PLCB4: variants seen among roughly 807,000 people sequenced by gnomAD.
PLCB4 encodes 1-phosphatidylinositol 4,5-bisphosphate phosphodiesterase beta-4.
In PLCB4, 77 loss-of-function variants were observed where a neutral mutation model predicts 178.8. The observed-to-expected ratio is 0.43, with a 90% CI of 0.36 to 0.52. The LOEUF (loss-of-function observed/expected upper bound fraction) is 0.52. PLCB4 is among the 20% of genes least tolerant of loss of function. PLCB4 has a pLI of 0.00. For missense variants in PLCB4, 1,024 were observed against 1,453.4 expected, an observed-to-expected ratio of 0.70 and a Z score of 4.80; for synonymous variants, 496 against 490.8, an observed-to-expected ratio of 1.01 and a Z score of -0.14.
intron 3 of PLCB4, among the ~76,000 whole-genome samples, chr20:9,300,151 A>G (rs1344239971): frequency 6.6e-6 from 1 of 152,152 alleles, no homozygotes; most frequent in African/African-American, 2.4e-5. Flanking sequence ...TAAAGATTGA[A>G]GAGCAAGGCA....
At chr20:9,074,114 G>A (rs946629615) in intron 1 of PLCB4, among the ~76,000 whole-genome samples, 1 of 152,158 alleles carries the variant, frequency 6.6e-6, no homozygotes, top group African/African-American at 2.4e-5. Context: ...CAAATGCCCT[G>A]TTTTAGCTTG....
chr20:9,437,248 T>C, intron 30 of PLCB4, 96 bp downstream of exon 30: 2 of 1,151,072 alleles, frequency 1.7e-6, no homozygotes, highest in East Asian at 5.0e-5. Flanking sequence ...AATTCGAAGT[T>C]CTTTGTGGGA....
At chr20:9,225,161 A>G (rs540439397) in intron 3 of PLCB4, among the ~76,000 whole-genome samples, 6 of 152,348 alleles carry the variant, frequency 3.9e-5, no homozygotes, top group African/African-American at 1.4e-4. Context: ...TCTAGCTGGT[A>G]AGTATATGGG....
At chr20:9,345,410 T>A (rs1429737269) in intron 7 of PLCB4, among the ~76,000 whole-genome samples, 1 of 152,216 alleles carries the variant, frequency 6.6e-6, no homozygotes, top group African/African-American at 2.4e-5. Flanking sequence ...TCGCTCAGAA[T>A]ACAACTAGCT....
chr20:9,420,989 G>A (rs2040590850), intron 26 of PLCB4, among the ~76,000 whole-genome samples: 1 of 152,166 alleles, frequency 6.6e-6, no homozygotes, highest in Admixed American at 6.5e-5. Context: ...TTTCATAGGT[G>A]TAGACACTTA....
At position 9,340,359 on chromosome 20, in the gene PLCB4, T is replaced by G. The variant is rs552395470; in HGVS notation, c.369+1322T>G. The stretch of plus-strand genomic sequence containing the variant: ...CCCTCCTGGGAGCTTGTTACACATT[T>G]GAGTCTCAGGCCCACCCAGATGTTC... On this transcript the variant is annotated intron_variant, in intron 7 of 39. Transcript: ENST00000378473. Among the ~76,000 whole-genome samples, 4 of 152,284 alleles carry G rather than the reference T, an allele frequency of 2.6e-5. No homozygotes were observed. The East Asian group carries it at 7.7e-4, about 29-fold the overall frequency.
At chr20:9,219,470 A>C (rs1164603042) in intron 3 of PLCB4, among the ~76,000 whole-genome samples, 1 of 152,128 alleles carries the variant, frequency 6.6e-6, no homozygotes, top group East Asian at 1.9e-4. Context: ...CTCCGAAAAA[A>C]AAAACTTTTA....
intron 32 of PLCB4, among the ~76,000 whole-genome samples, chr20:9,448,947 A>T (rs976652): frequency 0.083 from 12,571 of 152,174 alleles, 663 homozygotes; most frequent in East Asian, 0.3. Context: ...ATTGAGAAGA[A>T]AAGATGGGGG....
chr20:9,459,394 GC>G (rs1460393920), intron 34 of PLCB4, among the ~76,000 whole-genome samples: 3 of 152,028 alleles, frequency 2.0e-5, no homozygotes, highest in African/African-American at 7.2e-5. Context: ...GCTAAGTGAG[GC>G]AGTAAAATAA....
At chr20:9,388,218 A>G (rs192812335) in intron 15 of PLCB4, among the ~76,000 whole-genome samples, 8 of 152,344 alleles carry the variant, frequency 5.3e-5, no homozygotes, top group Admixed American at 3.3e-4. Context: ...AGCCTGGACA[A>G]CAAGAGTGAA....
chr20:9,410,815 A>G (rs1373376719), intron 24 of PLCB4, among the ~76,000 whole-genome samples: 1 of 152,226 alleles, frequency 6.6e-6, no homozygotes, highest in African/African-American at 2.4e-5. Context: ...GACCTTTAGC[A>G]TGATCTTTAT....
intron 2 of PLCB4, among the ~76,000 whole-genome samples, chr20:9,149,985 C>T (rs978249534): frequency 6.6e-6 from 1 of 152,146 alleles, no homozygotes. Context: ...CCATTGGAGG[C>T]AGTTGACCGT....
At chr20:9,301,792 C>T (rs1008103713) in intron 3 of PLCB4, among the ~76,000 whole-genome samples, 8 of 152,072 alleles carry the variant, frequency 5.3e-5, no homozygotes, top group African/African-American at 1.9e-4. Flanking sequence ...TCTTTCTTGT[C>T]CCCCGCTTCC....
intron 3 of PLCB4, among the ~76,000 whole-genome samples, chr20:9,293,515 A>G (rs1255065145): frequency 6.6e-6 from 1 of 151,902 alleles, no homozygotes; most frequent in African/African-American, 2.4e-5. Flanking sequence ...AAGGAAGGAA[A>G]GAAAGAAGGA....
intron 3 of PLCB4, among the ~76,000 whole-genome samples, chr20:9,261,971 A>G (rs1248976904): frequency 1.3e-5 from 2 of 152,218 alleles, no homozygotes; most frequent in Non-Finnish European, 2.9e-5. Context: ...TGTGTTGTTT[A>G]CCTTTAACTA....
intron 28 of PLCB4, among the ~76,000 whole-genome samples, chr20:9,429,915 T>G (rs1602641738): frequency 6.6e-6 from 1 of 152,180 alleles, no homozygotes. Flanking sequence ...AGCTACAGAA[T>G]GAACACCTGC....
chr20:9,113,966 C>G (rs141314207), intron 2 of PLCB4, among the ~76,000 whole-genome samples: 4,056 of 152,228 alleles, frequency 0.027, 177 homozygotes, highest in African/African-American at 0.091. Flanking sequence ...GTAATCCCAG[C>G]ACTTTGGGAG....
intron 2 of PLCB4, among the ~76,000 whole-genome samples, chr20:9,140,150 C>T (rs1295389567): frequency 6.6e-6 from 1 of 152,018 alleles, no homozygotes; most frequent in Non-Finnish European, 1.5e-5. Flanking sequence ...GTCCCTGAGA[C>T]AAGAAGGCTG....
chr20:9,144,136 A>C (rs1431432618), intron 2 of PLCB4, among the ~76,000 whole-genome samples: 1 of 152,134 alleles, frequency 6.6e-6, no homozygotes, highest in Non-Finnish European at 1.5e-5. Context: ...CATGCAGAAA[A>C]AACAAGCTGT....
Sources: allele counts gnomAD v4.1 joint callset (sites outside exome capture counted in the v4.1 genomes callset), GRCh38; gene constraint gnomAD v4.1.1; transcripts MANE v1.5; gene names NCBI Gene and HGNC (gene_info 2026-07-23, HGNC 2026-07-21).